Variants in KLF13 observed in about 807,000 individuals in gnomAD.
The protein encoded by KLF13 is Krueppel-like factor 13.
A neutral mutation model predicts 16.7 loss-of-function variants in KLF13; 8 were observed. The ratio of observed to expected loss-of-function variants is 0.48; its 90% CI spans 0.28 to 0.87. The LOEUF (loss-of-function observed/expected upper bound fraction) is 0.87, where lower values mean the gene tolerates loss of function less well. KLF13 is among the 40% of genes least tolerant of loss of function. The pLI is 0.10. For synonymous variants in KLF13, 245 were observed against 208.4 expected, an observed-to-expected ratio of 1.18 and a Z score of -1.51; for missense variants, 447 against 452.2, an observed-to-expected ratio of 0.99 and a Z score of 0.10.
At position 31,326,961 on chromosome 15, in the gene KLF13, C is replaced by A. The variant is rs1358292932; in HGVS notation, c.-252C>A. ...CATCCTTAGAACCGGCCGCCCCTGA[C>A]GCCGCGCGGGGACCCCAGTCGCCCG... is the stretch of plus-strand genomic sequence containing the variant. On this transcript the variant is annotated 5_prime_UTR_variant, in exon 1 of 2. Coordinates refer to ENST00000307145, the MANE Select transcript of KLF13 (RefSeq NM_015995.4). 1 of 160,716 alleles carries A rather than the reference C, an allele frequency of 6.2e-6. No homozygotes were observed. Among genetic ancestry groups the A allele is most frequent in the Non-Finnish European group, 1.3e-5 (1 of 74,784 alleles). The allele number at this position is 160,716 out of a possible 1,614,324, so 10.0% of individuals were successfully genotyped here.
At chr15:31,335,307 C>T (rs1253929542) in intron 1 of KLF13, among the ~76,000 whole-genome samples, 1 of 152,086 alleles carries the variant, frequency 6.6e-6, no homozygotes, top group African/African-American at 2.4e-5. Flanking sequence ...AGGGGCTATG[C>T]CTTCACACCC....
At chr15:31,349,482 T>TG (rs1245999472) in intron 1 of KLF13, among the ~76,000 whole-genome samples, 1 of 152,194 alleles carries the variant, frequency 6.6e-6, no homozygotes, top group Non-Finnish European at 1.5e-5. Flanking sequence ...GGAGGGCACT[T>TG]GCCTCGTTCT....
In KLF13 at chr15:31,426,814, A is replaced by T. The variant is rs551630912; in HGVS notation, n.118-8556A>T. ...GTGCAAGTCAGTGGACCATATAGGG[A>T]AGATCCACCCTCACTGTGGGCAGGC... is the stretch of plus-strand genomic sequence containing the variant. On this transcript the variant is annotated intron_variant and non_coding_transcript_variant, in intron 1 of 1. Coordinates refer to the KLF13 transcript ENST00000558225. Among the ~76,000 whole-genome samples the T allele has an allele frequency of 2.0e-5, 3 of 152,274 alleles. No homozygotes were observed. The South Asian group carries it at 6.2e-4, about 32-fold the overall frequency.
At chr15:31,390,483 T>G (rs565990639), upstream of KLF13, among the ~76,000 whole-genome samples, 13 of 152,378 alleles carry the variant, frequency 8.5e-5, no homozygotes, top group Admixed American at 8.5e-4. Flanking sequence ...GATGGGGATC[T>G]GATGCACTGC....
chr15:31,360,602 G>C (rs1015469531), intron 1 of KLF13, among the ~76,000 whole-genome samples: 2 of 152,148 alleles, frequency 1.3e-5, no homozygotes, highest in Admixed American at 6.5e-5. Flanking sequence ...CTGCAGGAGA[G>C]GTCTGGGGGC....
At chr15:31,387,484 CA>C (rs2039807626) in intron 1 of KLF13, among the ~76,000 whole-genome samples, 1 of 152,202 alleles carries the variant, frequency 6.6e-6, no homozygotes. Context: ...TAATAGGCTA[CA>C]GTATAGTTTA....
Position 31,422,133 on chromosome 15 carries a change from A to AAAAAAC in KLF13, n.118-13232_118-13231insCAAAAA, listed in dbSNP as rs1491127412. On this transcript the variant is annotated intron_variant and non_coding_transcript_variant, in intron 1 of 1. Transcript: ENST00000558225. ...CCATCTCAAAAACAAACAAACAAACAAAAAAAAAAAAAAAAGAAAAAAGAA... is the reference window on the plus strand; with the variant it reads ...CCATCTCAAAAACAAACAAACAAACAAAAAACAAAAAAAAAAAAAAAGAAAAAAGAA... Among the ~76,000 whole-genome samples the AAAAAAC allele has an allele frequency of 2.8e-3, 124 of 44,228 alleles. 1 individual carries two copies. Among genetic ancestry groups the AAAAAAC allele is most frequent in the African/African-American group, 8.2e-3 (91 of 11,118 alleles). The allele number at this position is 44,228 out of a possible 152,430, so 29.0% of individuals were successfully genotyped here. A position where few individuals can be genotyped will look rare whatever the true frequency, so the allele number is the denominator to read the frequency against.
At chr15:31,421,439 G>C (rs899680152) in intron 1 of KLF13, among the ~76,000 whole-genome samples, 4 of 151,990 alleles carry the variant, frequency 2.6e-5, no homozygotes, top group African/African-American at 9.7e-5. Context: ...AGTATAAATA[G>C]AACTATAATT....
rs566726159 is a variant in KLF13, at chr15:31,373,865, C to T, written c.*1566C>T. On this transcript the variant is annotated 3_prime_UTR_variant, in exon 2 of 2. Transcript: ENST00000307145. ...GTGTGCGTGCGTGTGGGTGTGTGCG[C>T]GCGTGAGCACACACGCGTGTGTTGG... 366 of 132,206 alleles carry T rather than the reference C, an allele frequency of 2.8e-3. No individual in the cohort carries two copies. The highest frequency in any genetic ancestry group is 3.6e-3 in the Middle Eastern group (1 of 278). 8.2% of individuals were successfully genotyped at this position (132,206 alleles called of 1,614,324 possible).
intron 1 of KLF13, among the ~76,000 whole-genome samples, chr15:31,428,243 T>C (rs2040422911): frequency 1.3e-5 from 2 of 152,140 alleles, no homozygotes. Flanking sequence ...TCAGTGGGTA[T>C]AGAGCTGCAG....
intron 1 of KLF13, among the ~76,000 whole-genome samples, chr15:31,331,103 C>T (rs2038823839): frequency 6.6e-6 from 1 of 152,228 alleles, no homozygotes; most frequent in African/African-American, 2.4e-5. Flanking sequence ...ACCCTGAATA[C>T]ATTTCTACCT....
intron 1 of KLF13, among the ~76,000 whole-genome samples, chr15:31,370,579 T>G (rs1420456479): frequency 6.6e-6 from 1 of 151,962 alleles, no homozygotes; most frequent in African/African-American, 2.4e-5. Flanking sequence ...CCACCACACC[T>G]GGCTAATTTT....
chr15:31,420,353 G>A (rs1447366681), intron 1 of KLF13: 8 of 1,110,796 alleles, frequency 7.2e-6, no homozygotes, highest in Admixed American at 1.8e-5. Flanking sequence ...AGTGTATGAA[G>A]ACCTGAGGTA....
intron 2 of KLF13, among the ~76,000 whole-genome samples, chr15:31,400,389 G>A (rs1024692076): frequency 6.6e-6 from 1 of 150,690 alleles, no homozygotes; most frequent in Non-Finnish European, 1.5e-5. Flanking sequence ...AGGGGGTGGC[G>A]TGCAGTTTAA....
chr15:31,418,707 C>T (rs1468815891), intron 1 of KLF13, among the ~76,000 whole-genome samples: 1 of 148,194 alleles, frequency 6.7e-6, no homozygotes, highest in Non-Finnish European at 1.5e-5. Flanking sequence ...AAAATTTTTT[C>T]TACAAAAATT....
Position 31,327,585 on chromosome 15 carries a change from C to G in KLF13, c.373C>G (p.Pro125Ala). ...GCCCCCCAGCCCGGCGTGGAGCGAG[C>G]CGGAGCCCGAGGCGGGGCTGGAGCC... Reference protein sequence around the residue: ...AAPPSPAWSEPEPEAGLEPER... With the variant: ...AAPPSPAWSEAEPEAGLEPER... Residue 125 changes from proline to alanine, a missense_variant, in exon 1 of 2, where the codon CCG (proline) becomes GCG (alanine). By Grantham distance (27) the Pro-to-Ala change is conservative (BLOSUM62 -1). Around this residue, in one of 2 missense-constraint regions of KLF13, gnomAD observed 359 missense variants for 282.8 expected, o/e 1.27. Coordinates refer to ENST00000307145, the MANE Select transcript of KLF13 (RefSeq NM_015995.4). 1 of 1,220,542 alleles carries G rather than the reference C, an allele frequency of 8.2e-7. No individual in the cohort carries two copies. The highest frequency in any genetic ancestry group is 3.7e-5 in the East Asian group (1 of 27,100). 75.6% of individuals were successfully genotyped at this position (1,220,542 alleles called of 1,614,324 possible). A position where few individuals can be genotyped will look rare whatever the true frequency, so the allele number is the denominator to read the frequency against.
At chr15:31,386,455 T>C (rs2140979532) in intron 1 of KLF13, among the ~76,000 whole-genome samples, 1 of 152,190 alleles carries the variant, frequency 6.6e-6, no homozygotes, top group African/African-American at 2.4e-5. Context: ...GCCGAGATCG[T>C]GCCATTGCAC....
At chr15:31,395,874 G>T (rs2039945662) in intron 2 of KLF13, among the ~76,000 whole-genome samples, 1 of 152,202 alleles carries the variant, frequency 6.6e-6, no homozygotes, top group African/African-American at 2.4e-5. Flanking sequence ...CTGCTTGGTG[G>T]TGGAGCTGAG....
At chr15:31,404,132 A>T (rs1232627283) in exon 3 of KLF13, 1 of 152,292 alleles carries the variant, frequency 6.6e-6, no homozygotes, top group Non-Finnish European at 1.5e-5. Flanking sequence ...AGTGGGGCAC[A>T]GGCAAGTTAC....
Sources: gnomAD v4.1 joint callset for allele counts (sites outside exome capture counted in the v4.1 genomes callset) on GRCh38, gnomAD v4.1.1 for gene constraint, gnomAD v4.1.1 regional missense constraint, MANE v1.5 for transcripts, NCBI Gene and HGNC (gene_info 2026-07-23, HGNC 2026-07-21) for gene names.